CDH10: variants seen among roughly 807,000 people sequenced by gnomAD.
CDH10 encodes cadherin 10.
Under a neutral mutation model 73.1 loss-of-function variants are expected in CDH10, and 30 were observed. The ratio of observed to expected loss-of-function variants is 0.41; its 90% CI spans 0.31 to 0.56. The LOEUF (loss-of-function observed/expected upper bound fraction) is 0.56, where lower values mean the gene tolerates loss of function less well. CDH10 is among the 20% of genes least tolerant of loss of function. CDH10 has a pLI of 0.27. For missense variants in CDH10, 815 were observed against 973.7 expected (o/e 0.84, Z 2.17); for synonymous variants, 345 against 348.2 (o/e 0.99, Z 0.10).
intron 1 of CDH10, among the ~76,000 whole-genome samples, chr5:24,619,974 T>C (rs979332018): frequency 6.6e-6 from 1 of 152,198 alleles, no homozygotes; most frequent in Admixed American, 6.5e-5. Flanking sequence ...AGGTTGTCAC[T>C]GTAACCAGAA....
At chr5:24,623,499 ATCAGAGAAAT>A (rs1747387852) in intron 1 of CDH10, among the ~76,000 whole-genome samples, 1 of 152,218 alleles carries the variant, frequency 6.6e-6, no homozygotes, top group Non-Finnish European at 1.5e-5. Context: ...AATTTAAACA[ATCAGAGAAAT>A]TCTCTCTTTT....
At chr5:24,644,352 G>A (rs996445426) in intron 1 of CDH10, among the ~76,000 whole-genome samples, 4 of 152,122 alleles carry the variant, frequency 2.6e-5, no homozygotes, top group African/African-American at 9.7e-5. Flanking sequence ...ACCCACTGTT[G>A]AGCATAATAT....
intron 1 of CDH10, among the ~76,000 whole-genome samples, chr5:24,603,995 C>T (rs550829190): frequency 2.0e-5 from 3 of 152,208 alleles, no homozygotes; most frequent in Middle Eastern, 3.4e-3. Flanking sequence ...AATATACGAT[C>T]AAACAAAACA....
intron 2 of CDH10, among the ~76,000 whole-genome samples, chr5:24,547,559 T>C (rs1744389212): frequency 6.6e-6 from 1 of 152,152 alleles, no homozygotes; most frequent in African/African-American, 2.4e-5. Context: ...TTCAAGCACA[T>C]TGCCAGTCTT....
intron 9 of CDH10, among the ~76,000 whole-genome samples, chr5:24,497,736 CAA>C (rs1742344935): frequency 6.6e-6 from 1 of 152,128 alleles, no homozygotes; most frequent in Non-Finnish European, 1.5e-5. Context: ...AGATAGCACT[CAA>C]ACCAATTAAG....
intron 1 of CDH10, among the ~76,000 whole-genome samples, chr5:24,597,168 G>A (rs1322571295): frequency 6.6e-6 from 1 of 151,972 alleles, no homozygotes; most frequent in Non-Finnish European, 1.5e-5. Flanking sequence ...CAGCCATTCT[G>A]CAATCCCATA....
chr5:24,586,940 G>C (rs1173282191), intron 2 of CDH10, among the ~76,000 whole-genome samples: 1 of 143,524 alleles, frequency 7.0e-6, no homozygotes, highest in East Asian at 2.1e-4. Context: ...CGCCTCCCGG[G>C]TTCACGCCAT....
At chr5:24,585,950 C>G (rs747770008) in intron 2 of CDH10, among the ~76,000 whole-genome samples, 7 of 152,148 alleles carry the variant, frequency 4.6e-5, no homozygotes, top group Non-Finnish European at 8.8e-5. Flanking sequence ...TGCAGACTTG[C>G]AAATAGCGAC....
intron 1 of CDH10, among the ~76,000 whole-genome samples, chr5:24,637,550 A>G (rs1747905225): frequency 6.6e-6 from 1 of 151,910 alleles, no homozygotes; most frequent in East Asian, 1.9e-4. Flanking sequence ...TACTAAATTC[A>G]TCCTTGTATC....
intron 1 of CDH10, among the ~76,000 whole-genome samples, chr5:24,614,773 AC>A (rs1747074469): frequency 6.6e-6 from 1 of 152,150 alleles, no homozygotes; most frequent in African/African-American, 2.4e-5. Flanking sequence ...ACCCATGTAA[AC>A]TGGGGCATAG....
At chr5:24,513,203 G>C (rs575701969) in intron 5 of CDH10, among the ~76,000 whole-genome samples, 1 of 152,046 alleles carries the variant, frequency 6.6e-6, no homozygotes, top group African/African-American at 2.4e-5. Flanking sequence ...ATTTTTAGTA[G>C]AGACCGGATT....
At chr5:24,631,428 A>C (rs1202994280) in intron 1 of CDH10, among the ~76,000 whole-genome samples, 1 of 152,020 alleles carries the variant, frequency 6.6e-6, no homozygotes, top group Non-Finnish European at 1.5e-5. Flanking sequence ...TGTGGGGAAA[A>C]AATCAATTAA....
chr5:24,519,395 C>T (rs1743229712), intron 5 of CDH10, among the ~76,000 whole-genome samples: 1 of 151,984 alleles, frequency 6.6e-6, no homozygotes, highest in Non-Finnish European at 1.5e-5. Flanking sequence ...CAAACTAAAA[C>T]CTTCTATAAA....
At chr5:24,535,919 T>A (rs1010239352) in intron 3 of CDH10, 97 bp from the exon 4 acceptor site, 5 of 782,748 alleles carry the variant, frequency 6.4e-6, no homozygotes, top group Non-Finnish European at 9.6e-6. Flanking sequence ...CTGGCTTTAA[T>A]CATGACCTCT....
chr5:24,498,530 G>T lies in CDH10; in HGVS notation c.1394-11C>A. 1 of 1,589,710 alleles carries T rather than the reference G, an allele frequency of 6.3e-7. No homozygotes were observed. Among genetic ancestry groups the T allele is most frequent in the Non-Finnish European group, 8.6e-7 (1 of 1,160,628 alleles). ...TCTCTTTGGGATTGTCTGGAAAAGGGGAAGAAAAATATTGTTTAGGAAGAT... is the reference window on the plus strand; with the variant it reads ...TCTCTTTGGGATTGTCTGGAAAAGGTGAAGAAAAATATTGTTTAGGAAGAT... On this transcript the variant is annotated splice_polypyrimidine_tract_variant and intron_variant, in intron 8 of 11. Transcript: ENST00000264463.
chr5:24,586,959 T>C (rs868208243), intron 2 of CDH10, among the ~76,000 whole-genome samples: 63 of 149,114 alleles, frequency 4.2e-4, no homozygotes, highest in Admixed American at 1.1e-3. Flanking sequence ...ATTCTCCTGC[T>C]TCAGCCTCCC....
At chr5:24,610,268 G>C (rs1163437729) in intron 1 of CDH10, among the ~76,000 whole-genome samples, 1 of 152,154 alleles carries the variant, frequency 6.6e-6, no homozygotes, top group Non-Finnish European at 1.5e-5. Flanking sequence ...ACGGGAAAAT[G>C]AGGCAAAGAA....
chr5:24,572,849 G>C (rs888489658), intron 2 of CDH10, among the ~76,000 whole-genome samples: 2 of 140,220 alleles, frequency 1.4e-5, no homozygotes, highest in Non-Finnish European at 3.0e-5. Context: ...CCTCACATAT[G>C]ATCTGTAAAA....
Position 24,573,688 on chromosome 5 carries a change from G to T in CDH10, c.231+19572C>A, listed in dbSNP as rs547590377. Among the ~76,000 whole-genome samples the T allele has an allele frequency of 8.0e-4, 110 of 137,160 alleles. 1 individual carries two copies. The highest frequency in any genetic ancestry group is 4.6e-3 in the Middle Eastern group (1 of 218). The allele number at this position is 137,160 out of a possible 152,430, so 90.0% of individuals were successfully genotyped here. ...TGCAGTCCAGCCTGGGCGACAGAGC[G>T]AGACTCCATCTCAAAAAAAAAAAAA... On this transcript the variant is annotated intron_variant, in intron 2 of 11. Coordinates refer to ENST00000264463, the MANE Select transcript of CDH10 (RefSeq NM_006727.5).
Sources: gnomAD v4.1 joint callset for allele counts (sites outside exome capture counted in the v4.1 genomes callset) on GRCh38, gnomAD v4.1.1 for gene constraint, MANE v1.5 for transcripts, NCBI Gene and HGNC (gene_info 2026-07-23, HGNC 2026-07-21) for gene names.